Variants in PLEC observed in about 807,000 individuals in gnomAD.
PLEC encodes plectin.
Under a neutral mutation model 392.8 loss-of-function variants are expected in PLEC, and 216 were observed. The ratio of observed to expected loss-of-function variants is 0.55; its 90% CI spans 0.49 to 0.62. PLEC has a LOEUF of 0.62. PLEC is among the 20% of genes least tolerant of loss of function. The pLI, the probability that PLEC is intolerant of heterozygous loss-of-function variation, is 0.00. For missense variants in PLEC, 6,863 were observed against 6,563.4 expected (o/e 1.05, Z -1.58); for synonymous variants, 3,621 against 2,980.6 (o/e 1.21, Z -7.00).
chr8:143,920,147 T>C lies in PLEC; in HGVS notation c.9674A>G (p.Tyr3225Cys), dbSNP rs782582266. ...GGTCTCACGGGCCTGCAGCTCTGAGTAGAGCTCCTCCTGCCGGGCCCGAGC... is the reference window on the plus strand; with the variant it reads ...GGTCTCACGGGCCTGCAGCTCTGAGCAGAGCTCCTCCTGCCGGGCCCGAGC... ...KAARARQEEL[Y>C]SELQARETFE... Residue 3225 changes from tyrosine (Y) to cysteine (C), a missense_variant, in exon 32 of 32, where the codon TAC becomes TGC. Coordinates refer to ENST00000345136, the MANE Select transcript of PLEC (RefSeq NM_201384.3). The C allele has an allele frequency of 4.3e-6, 7 of 1,612,682 alleles. No homozygotes were observed. The Admixed American group carries it at 1.2e-4, about 27-fold the overall frequency.
intron 13 of PLEC, 34 bp from the exon 14 acceptor site, chr8:143,933,145 G>A (rs782130984): frequency 5.0e-6 from 8 of 1,606,148 alleles, no homozygotes; most frequent in South Asian, 3.3e-5. Context: ...AGGTGTTGGC[G>A]GGCCTGGGGC....
Position 143,925,436 on chromosome 8 carries a change from C to T in PLEC, c.4493G>A (p.Arg1498His), listed in dbSNP as rs370321792. The T allele has an allele frequency of 1.9e-5, 31 of 1,595,106 alleles. No individual in the cohort carries two copies. The highest frequency in any genetic ancestry group is 3.3e-4 in the Middle Eastern group (2 of 6,026). ...CTCGTCCTGCACCTGCCTCCGCAAG[C>T]GCTCGGCCTCCTCCTGCGCCTGTCG... ...QKRQAQEEAE[R>H]LRRQVQDESQ... Residue 1498 changes from arginine (R) to histidine (H), a missense_variant, in exon 31 of 32, where the codon CGC becomes CAC. Coordinates refer to ENST00000345136, the MANE Select transcript of PLEC (RefSeq NM_201384.3).
rs782300050 is a variant in PLEC, at chr8:143,916,819, G to A, written c.13002C>T (p.Asp4334=). 1.9e-5 allele frequency: 30 copies of A among 1,612,990 alleles called. No homozygotes were observed. The highest frequency in any genetic ancestry group is 1.2e-4 in the Admixed American group (7 of 60,004). ...PSTGERFPVT[D]AVNKGLVDKI... is the part of the protein sequence containing the mutation. Reference sequence around the variant, plus strand: ...TGTCCACCAGGCCCTTGTTGACGGCGTCGGTGACAGGGAAGCGCTCACCGG... The same window carrying A: ...TGTCCACCAGGCCCTTGTTGACGGCATCGGTGACAGGGAAGCGCTCACCGG... The change falls in exon 32 of 32, where the codon GAC becomes GAT. Residue 4334 remains aspartate (D), a synonymous_variant. Coordinates refer to ENST00000345136, the MANE Select transcript of PLEC (RefSeq NM_201384.3).
At position 143,916,103 on chromosome 8, in the gene PLEC, C is replaced by T. The variant is rs1326832497; in HGVS notation, c.*74G>A. The T allele has an allele frequency of 1.1e-5, 12 of 1,050,498 alleles. No individual in the cohort carries two copies. The highest frequency in any genetic ancestry group is 6.7e-5 in the South Asian group (4 of 60,014). The allele number at this position is 1,050,498 out of a possible 1,614,324, so 65.1% of individuals were successfully genotyped here. A position where few individuals can be genotyped will look rare whatever the true frequency, so the allele number is the denominator to read the frequency against. ...CACTTGGGAGGAAGACACCTTTAAGCGTTGAAAACGGCCCCCGCGCCTCGG... is the reference window on the plus strand; with the variant it reads ...CACTTGGGAGGAAGACACCTTTAAGTGTTGAAAACGGCCCCCGCGCCTCGG... On this transcript the variant is annotated 3_prime_UTR_variant, in exon 32 of 32. Transcript: ENST00000345136.
chr8:143,972,788 G>A (rs1184184382), intron 1 of PLEC, among the ~76,000 whole-genome samples: 5 of 152,198 alleles, frequency 3.3e-5, no homozygotes, highest in Non-Finnish European at 7.4e-5. Flanking sequence ...CGTGGGCGTG[G>A]ACTAGGGCAA....
Position 143,969,166 on chromosome 8 carries a change from G to A in PLEC, c.70+4237C>T, listed in dbSNP as rs1451297852. Among the ~76,000 whole-genome samples, 6 of 152,328 alleles carry A rather than the reference G, an allele frequency of 3.9e-5. No homozygotes were observed. The East Asian group carries it at 5.8e-4, about 15-fold the overall frequency. On this transcript the variant is annotated intron_variant, in intron 1 of 31. Coordinates refer to the PLEC transcript ENST00000356346. This position sits in a 1 kb window ranked among gnomAD's most constrained non-coding sequence, Gnocchi z 5.1. ...GTGGGCACTTCCACACCACGGAACC[G>A]ACTCCAGCGGGGGGAGGGTGAGGTG... is the stretch of plus-strand genomic sequence containing the variant.
In PLEC at chr8:143,923,891, C is replaced by T. The variant is rs369708974; in HGVS notation, c.6038G>A (p.Arg2013Gln). Residue 2013 changes from arginine (R) to glutamine (Q), a missense_variant, in exon 31 of 32, where the codon CGG becomes CAG. Transcript: ENST00000345136. Reference protein sequence around the residue: ...QRKAALEEVERLKAKVEEARR... With the variant: ...QRKAALEEVEQLKAKVEEARR... Reference sequence around the variant, plus strand: ...CGCCTCCTCCACCTTGGCTTTCAGCCGCTCGACTTCCTCCAGCGCCGCCTT... The same window carrying T: ...CGCCTCCTCCACCTTGGCTTTCAGCTGCTCGACTTCCTCCAGCGCCGCCTT... 1.2e-4 allele frequency: 190 copies of T among 1,594,710 alleles called. 2 individuals carry two copies. In the South Asian group the frequency reaches 1.5e-3, roughly 12 times the overall value.
rs367721912 is a variant in PLEC, at chr8:143,926,137, G to A, written c.4045-253C>T. Among the ~76,000 whole-genome samples, 162 of 152,342 alleles carry A rather than the reference G, an allele frequency of 1.1e-3. No homozygotes were observed. The South Asian group carries it at 0.029, about 27-fold the overall frequency. On this transcript the variant is annotated intron_variant, in intron 30 of 31. Transcript: ENST00000345136. Reference sequence around the variant, plus strand: ...TCCTCCCTGCTTCCCGCAGACAGGCGACGGAGACAGACGGACGGGGAGAGA... The same window carrying A: ...TCCTCCCTGCTTCCCGCAGACAGGCAACGGAGACAGACGGACGGGGAGAGA...
intron 25 of PLEC, 93 bp from the exon 26 acceptor site, chr8:143,928,085 C>T: frequency 6.8e-7 from 1 of 1,465,700 alleles, no homozygotes; most frequent in East Asian, 2.3e-5. Flanking sequence ...AGGGTGCTGC[C>T]TGCCAAGCCC....
In PLEC at chr8:143,925,155, G is replaced by C. The variant is rs782052683; in HGVS notation, c.4774C>G (p.Leu1592Val). The C allele has an allele frequency of 6.4e-7, 1 of 1,559,436 alleles. No individual in the cohort carries two copies. The highest frequency in any genetic ancestry group is 1.8e-5 in the Admixed American group (1 of 54,808). ...RASFAEKTAQ[L>V]ERSLQEEHVA... Reference sequence around the variant, plus strand: ...TGTTCCTCCTGCAGGGAGCGCTCCAGCTGTGCCGTCTTCTCGGCGAAGGAG... The same window carrying C: ...TGTTCCTCCTGCAGGGAGCGCTCCACCTGTGCCGTCTTCTCGGCGAAGGAG... Residue 1592 changes from leucine to valine, a missense_variant, in exon 31 of 32, where the codon CTG (leucine) becomes GTG (valine). Physicochemically the swap from Leu to Val is conservative, Grantham distance 32. Transcript: ENST00000345136.
In PLEC at chr8:143,929,128, T is replaced by C. The variant is rs1554710194; in HGVS notation, c.3235A>G (p.Ser1079Gly). Reference sequence around the variant, plus strand: ...TTCTCCAGGTAGATGGCAGACAGGCTGCGGACCTGCTCCAGCTTGCCCAGC... The same window carrying C: ...TTCTCCAGGTAGATGGCAGACAGGCCGCGGACCTGCTCCAGCTTGCCCAGC... ...LTLGKLEQVR[S>G]LSAIYLEKLK... Residue 1079 changes from serine to glycine, a missense_variant, in exon 25 of 32, where the codon AGC becomes GGC. Physicochemically the swap from Ser to Gly is moderately conservative, Grantham distance 56. Transcript: ENST00000345136. The C allele has an allele frequency of 7.6e-6, 12 of 1,583,868 alleles. 1 individual carries two copies. Among genetic ancestry groups the C allele is most frequent in the East Asian group, 2.3e-5 (1 of 43,662 alleles).
At chr8:143,931,251 C>T (rs1300238736) in intron 19 of PLEC, among the ~76,000 whole-genome samples, 2 of 152,148 alleles carry the variant, frequency 1.3e-5, no homozygotes, top group Non-Finnish European at 2.9e-5. Context: ...GGCTGCCTCT[C>T]GGCTCCCCAC....
chr8:143,918,516 T>C lies in PLEC; in HGVS notation c.11305A>G (p.Thr3769Ala). The stretch of plus-strand genomic sequence containing the variant: ...TCGGTGTAGGGGTCACGGTAGCCGG[T>C]GACCGCCCGCTCAGCCGAGAGCAGG... The part of the protein sequence containing the change: ...DRLLSAERAV[T>A]GYRDPYTEQT... Residue 3769 changes from threonine (T) to alanine (A), a missense_variant, in exon 32 of 32, where the codon ACC (threonine) becomes GCC (alanine). Thr to Ala is a moderately conservative substitution (Grantham distance 58, BLOSUM62 0). Transcript: ENST00000345136. 1 of 1,607,280 alleles carries C rather than the reference T, an allele frequency of 6.2e-7. No individual in the cohort carries two copies. The highest frequency in any genetic ancestry group is 8.5e-7 in the Non-Finnish European group (1 of 1,177,992).
chr8:143,928,077 G>A, intron 25 of PLEC, 85 bp from the exon 26 acceptor site: 2 of 1,490,612 alleles, frequency 1.3e-6, no homozygotes, highest in East Asian at 2.3e-5. Flanking sequence ...AGCGACCCAG[G>A]GTGCTGCCTG....
chr8:143,921,665 T>C lies in PLEC; in HGVS notation c.8156A>G (p.Gln2719Arg), dbSNP rs1822773215. The C allele has an allele frequency of 1.2e-6, 2 of 1,613,056 alleles. No homozygotes were observed. Among genetic ancestry groups the C allele is most frequent in the African/African-American group, 1.3e-5 (1 of 74,928 alleles). ...GAGGGCCGTGCCGGGACTCAGCAGC[T>C]GCCTCTGCAGGGCGGCGTAAACACT... ...KLSVYAALQR[Q>R]LLSPGTALIL... Residue 2719 changes from glutamine to arginine, a missense_variant, in exon 32 of 32, where the codon CAG (glutamine) becomes CGG (arginine). Transcript: ENST00000345136.
chr8:143,918,732 G>GGTA lies in PLEC; in HGVS notation c.11086_11088dup (p.Tyr3696dup), dbSNP rs782742914. 2 of 1,612,998 alleles carry GGTA rather than the reference G, an allele frequency of 1.2e-6. No individual in the cohort carries two copies. Among genetic ancestry groups the GGTA allele is most frequent in the Non-Finnish European group, 1.7e-6 (2 of 1,179,986 alleles). On this transcript the variant is annotated inframe_insertion, in exon 32 of 32. Coordinates refer to ENST00000345136, the MANE Select transcript of PLEC (RefSeq NM_201384.3). The stretch of plus-strand genomic sequence containing the variant: ...CTCAGTGTCTGCCTGGAACCGGGCA[G>GGTA]GTAGACACCAGCCACGGAGCCCGTG...
rs879967828 is a variant in PLEC, at chr8:143,916,523, T to C, written c.13298A>G (p.Lys4433Arg). Reference sequence around the variant, plus strand: ...CTTGGTCTTAGGGCAGGTGAGGTACTTGGAGTAGGCGCCCACGTCACGCAG... The same window carrying C: ...CTTGGTCTTAGGGCAGGTGAGGTACCTGGAGTAGGCGCCCACGTCACGCAG... ...QKLRDVGAYS[K>R]YLTCPKTKLK... Residue 4433 changes from lysine (K) to arginine (R), a missense_variant, in exon 32 of 32, where the codon AAG becomes AGG. Transcript: ENST00000345136. The C allele has an allele frequency of 4.3e-6, 7 of 1,611,738 alleles. No individual in the cohort carries two copies. The South Asian group carries it at 6.6e-5, about 15-fold the overall frequency.
intron 30 of PLEC, among the ~76,000 whole-genome samples, chr8:143,926,236 A>G (rs369408260): frequency 1.3e-5 from 2 of 152,124 alleles, no homozygotes; most frequent in African/African-American, 4.8e-5. Flanking sequence ...GCTGGACACC[A>G]GTGGGCCTGG....
At chr8:143,944,760 C>T (rs1587317718) in intron 1 of PLEC, 14 of 1,251,148 alleles carry the variant, frequency 1.1e-5, no homozygotes, top group African/African-American at 1.5e-5. Context: ...CTGGCGGCAG[C>T]GTCGGGTGGG....
Sources: gnomAD v4.1 joint callset for allele counts (sites outside exome capture counted in the v4.1 genomes callset) on GRCh38, gnomAD v4.1.1 for gene constraint, Gnocchi (gnomAD v3.1) non-coding constraint, MANE v1.5 for transcripts, NCBI Gene and HGNC (gene_info 2026-07-23, HGNC 2026-07-21) for gene names.